ATP9B: variants seen among roughly 807,000 people sequenced by gnomAD.
ATP9B encodes ATPase phospholipid transporting 9B, also known as probable phospholipid-transporting ATPase IIB.
A neutral mutation model predicts 146.1 loss-of-function variants in ATP9B; 110 were observed. That is an observed-to-expected ratio of 0.75 (90% CI 0.65 to 0.88). ATP9B has a LOEUF of 0.88. Ranked by LOEUF, ATP9B falls within the 40% of genes least tolerant of loss-of-function variation. The pLI is 0.00. For synonymous variants in ATP9B, 604 were observed against 569.7 expected (o/e 1.06, Z -0.86); for missense variants, 1,499 against 1,496.4 (o/e 1.00, Z -0.03).
chr18:79,269,240 T>C (rs1318239965), intron 12 of ATP9B, among the ~76,000 whole-genome samples: 1 of 152,220 alleles, frequency 6.6e-6, no homozygotes. Flanking sequence ...GCTTGGTCAC[T>C]GTCCTCGCCA....
At chr18:79,072,699 G>C (rs981469061) in intron 1 of ATP9B, among the ~76,000 whole-genome samples, 2 of 136,086 alleles carry the variant, frequency 1.5e-5, no homozygotes, top group African/African-American at 5.8e-5. Flanking sequence ...CCGGGTGGGG[G>C]CGCCCCCCCA....
At chr18:79,185,919 C>A (rs923686639) in intron 8 of ATP9B, among the ~76,000 whole-genome samples, 2 of 152,176 alleles carry the variant, frequency 1.3e-5, no homozygotes, top group African/African-American at 4.8e-5. Context: ...CCAAGAATAA[C>A]CTTTGTCCAT....
intron 13 of ATP9B, among the ~76,000 whole-genome samples, chr18:79,293,871 GATATT>G (rs2096528661): frequency 6.6e-6 from 1 of 152,142 alleles, no homozygotes. Flanking sequence ...TAAATGCGCA[GATATT>G]ATATTCAGTA....
intron 14 of ATP9B, 94 bp downstream of exon 14, chr18:79,303,810 A>T: frequency 2.7e-6 from 2 of 743,370 alleles, no homozygotes; most frequent in Non-Finnish European, 4.3e-6. Context: ...GTAAATTAGC[A>T]CGCTTCTTGG....
At chr18:79,173,655 G>C in intron 7 of ATP9B, 1 of 453,496 alleles carries the variant, frequency 2.2e-6, no homozygotes, top group South Asian at 1.6e-5. Flanking sequence ...ACTCTCTCTG[G>C]GTTCTTTATT....
intron 3 of ATP9B, among the ~76,000 whole-genome samples, chr18:79,112,074 A>G (rs991496553): frequency 6.6e-6 from 1 of 152,260 alleles, no homozygotes; most frequent in Non-Finnish European, 1.5e-5. Flanking sequence ...GAACATAAAT[A>G]TATTGTCAGT....
chr18:79,281,490 T>A, intron 13 of ATP9B, among the ~76,000 whole-genome samples: 1 of 149,552 alleles, frequency 6.7e-6, no homozygotes. Context: ...GGAGTAAAAC[T>A]CCATTTCAAA....
chr18:79,296,466 A>G (rs945183246), intron 13 of ATP9B, among the ~76,000 whole-genome samples: 1 of 152,254 alleles, frequency 6.6e-6, no homozygotes, highest in Non-Finnish European at 1.5e-5. Context: ...ATCCTACGCT[A>G]GCTGCACTTT....
At chr18:79,194,363 A>G (rs2095398212) in intron 9 of ATP9B, 1 of 152,174 alleles carries the variant, frequency 6.6e-6, no homozygotes, top group Non-Finnish European at 1.5e-5. Context: ...CCTCTAATTT[A>G]TATTGCTCAT....
At chr18:79,306,446 G>A (rs2096620921) in intron 14 of ATP9B, among the ~76,000 whole-genome samples, 1 of 152,144 alleles carries the variant, frequency 6.6e-6, no homozygotes, top group Non-Finnish European at 1.5e-5. Flanking sequence ...TTTTTCCTCT[G>A]AATGCAACTT....
intron 10 of ATP9B, among the ~76,000 whole-genome samples, chr18:79,208,114 G>A (rs574110556): frequency 2.0e-5 from 3 of 152,194 alleles, no homozygotes; most frequent in Admixed American, 6.5e-5. Context: ...GCGTGGTGGC[G>A]GGCGCCTGTA....
At chr18:79,236,634 T>C (rs1460520070) in intron 11 of ATP9B, among the ~76,000 whole-genome samples, 2 of 152,256 alleles carry the variant, frequency 1.3e-5, no homozygotes, top group Non-Finnish European at 2.9e-5. Context: ...TTTTCTGTTT[T>C]TCCCCTATGT....
At chr18:79,219,894 T>C (rs2148474973) in intron 11 of ATP9B, among the ~76,000 whole-genome samples, 1 of 152,304 alleles carries the variant, frequency 6.6e-6, no homozygotes, top group Middle Eastern at 3.4e-3. Context: ...CTTGAAGGGC[T>C]CAAGAAGACG....
intron 23 of ATP9B, among the ~76,000 whole-genome samples, chr18:79,347,313 G>A (rs1036454854): frequency 6.6e-6 from 1 of 152,226 alleles, no homozygotes; most frequent in Non-Finnish European, 1.5e-5. Context: ...TTACAACAGC[G>A]TTGTGAAAGA....
intron 12 of ATP9B, among the ~76,000 whole-genome samples, chr18:79,270,554 T>C (rs2145553192): frequency 6.6e-6 from 1 of 152,294 alleles, no homozygotes; most frequent in East Asian, 1.9e-4. Context: ...TTTTTTCTCC[T>C]TTGTACTTCC....
intron 7 of ATP9B, among the ~76,000 whole-genome samples, chr18:79,171,747 G>A (rs1300709233): frequency 2.0e-5 from 3 of 152,126 alleles, no homozygotes; most frequent in Non-Finnish European, 4.4e-5. Flanking sequence ...CTAGCCCAGT[G>A]GGCTCAGCCA....
chr18:79,292,100 T>C (rs932897245), intron 13 of ATP9B, among the ~76,000 whole-genome samples: 3 of 152,256 alleles, frequency 2.0e-5, no homozygotes, highest in Non-Finnish European at 4.4e-5. Context: ...TAATATTCCA[T>C]CGTGTGGATA....
At position 79,069,456 on chromosome 18, in the gene ATP9B, G is replaced by T. The variant is rs1226037937; in HGVS notation, c.46G>T (p.Ala16Ser). Reference sequence around the variant, plus strand: ...TTACCCGGTGCGTAGCGCAGCGGCGGCCGCAGCCAACCGCAAACGCGCGGC... The same window carrying T: ...TTACCCGGTGCGTAGCGCAGCGGCGTCCGCAGCCAACCGCAAACGCGCGGC... ...PLYPVRSAAA[A>S]AANRKRAAYY... Residue 16 changes from alanine (A) to serine (S), a missense_variant, in exon 1 of 30, where the codon GCC (alanine) becomes TCC (serine). Physicochemically the swap from Ala to Ser is moderately conservative, Grantham distance 99. Transcript: ENST00000426216. The T allele has an allele frequency of 6.6e-7, 1 of 1,512,440 alleles. No homozygotes were observed. The highest frequency in any genetic ancestry group is 8.8e-7 in the Non-Finnish European group (1 of 1,133,650). The allele number at this position is 1,512,440 out of a possible 1,614,324, so 93.7% of individuals were successfully genotyped here. A position where few individuals can be genotyped will look rare whatever the true frequency, so the allele number is the denominator to read the frequency against.
chr18:79,327,778 C>T (rs1371888828), intron 15 of ATP9B, among the ~76,000 whole-genome samples: 5 of 134,256 alleles, frequency 3.7e-5, no homozygotes, highest in African/African-American at 1.2e-4. Flanking sequence ...GGTTAACGTG[C>T]TCTCCGTGGT....
Sources: allele counts gnomAD v4.1 joint callset (sites outside exome capture counted in the v4.1 genomes callset), GRCh38; gene constraint gnomAD v4.1.1; transcripts MANE v1.5; gene names NCBI Gene and HGNC (gene_info 2026-07-23, HGNC 2026-07-21).